ADAMTS16: variants seen among roughly 807,000 people sequenced by gnomAD.
ADAMTS16 encodes ADAM metallopeptidase with thrombospondin type 1 motif 16, also known as A disintegrin and metalloproteinase with thrombospondin motifs 16.
In ADAMTS16, 94 loss-of-function variants were observed where a neutral mutation model predicts 145.8. The ratio of observed to expected loss-of-function variants is 0.64; its 90% CI spans 0.55 to 0.77. The LOEUF is 0.77. ADAMTS16 is among the 30% of genes least tolerant of loss of function. The pLI, the probability that ADAMTS16 is intolerant of heterozygous loss-of-function variation, is 0.00. For missense variants in ADAMTS16, 1,585 were observed against 1,591.5 expected (o/e 1.00, Z 0.07); for synonymous variants, 659 against 604.3 (o/e 1.09, Z -1.33).
Position 5,187,819 on chromosome 5 carries a change from T to G in ADAMTS16, c.1047+11T>G. 1 of 1,516,040 alleles carries G rather than the reference T, an allele frequency of 6.6e-7. No individual in the cohort carries two copies. The highest frequency in any genetic ancestry group is 9.2e-7 in the Non-Finnish European group (1 of 1,092,066). The allele number at this position is 1,516,040 out of a possible 1,614,324, so 93.9% of individuals were successfully genotyped here. A position where few individuals can be genotyped will look rare whatever the true frequency, so the allele number is the denominator to read the frequency against. ...CTAGAAGATGAACAGGTAGTTTATC[T>G]TTGAAACTATCTACTCTTTTTATTC... On this transcript the variant is annotated intron_variant, in intron 6 of 22. Transcript: ENST00000274181.
chr5:5,176,699 A>T (rs1409769529), intron 3 of ADAMTS16, among the ~76,000 whole-genome samples: 2 of 152,204 alleles, frequency 1.3e-5, no homozygotes, highest in Non-Finnish European at 2.9e-5. Context: ...ATTTGGAATA[A>T]CCAAGGATAA....
Position 5,303,446 on chromosome 5 carries a change from T to C in ADAMTS16, c.2968T>C (p.Trp990Arg), listed in dbSNP as rs758203332. 8.1e-6 allele frequency: 13 copies of C among 1,611,302 alleles called. No homozygotes were observed. The South Asian group carries it at 1.3e-4, about 16-fold the overall frequency. The change falls in exon 19 of 23, where the codon TGG becomes CGG. Residue 990 changes from tryptophan (W) to arginine (R), a missense_variant. Trp to Arg is a moderately radical substitution (Grantham distance 101). Transcript: ENST00000274181. ...ACNSQSCPPA[W>R]SAGPWAECSH... ...CAACTCTCAGAGCTGCCCACCTGCA[T>C]GGAGCGCCGGGCCCTGGGCAGAGGT... is the stretch of plus-strand genomic sequence containing the variant.
chr5:5,317,312 C>T lies in ADAMTS16; in HGVS notation c.3412-822C>T, dbSNP rs1435971236. Among the ~76,000 whole-genome samples, 1 of 152,184 alleles carries T rather than the reference C, an allele frequency of 6.6e-6. No homozygotes were observed. Among genetic ancestry groups the T allele is most frequent in the Admixed American group, 6.5e-5 (1 of 15,280 alleles). On this transcript the variant is annotated intron_variant, in intron 21 of 22. Coordinates refer to ENST00000274181, the MANE Select transcript of ADAMTS16 (RefSeq NM_139056.4). The surrounding 1 kb of genome is among the most constrained non-coding windows in gnomAD (Gnocchi z 4.5). ...GGCAGGGGGATCTAAGTTTGTTCTT[C>T]CTTGCTGCCTGTAATTTGAGGAGAT...
At chr5:5,285,706 G>A (rs1468147220) in intron 18 of ADAMTS16, among the ~76,000 whole-genome samples, 1 of 152,170 alleles carries the variant, frequency 6.6e-6, no homozygotes, top group Non-Finnish European at 1.5e-5. Context: ...ACTGTAGATG[G>A]TTCAGAGACT....
intron 11 of ADAMTS16, among the ~76,000 whole-genome samples, chr5:5,226,360 C>T (rs994546664): frequency 1.3e-5 from 2 of 152,078 alleles, no homozygotes; most frequent in Non-Finnish European, 2.9e-5. Flanking sequence ...TAGGGGAACT[C>T]TCATGTATAA....
intron 18 of ADAMTS16, among the ~76,000 whole-genome samples, chr5:5,264,298 C>T (rs1738149558): frequency 6.6e-6 from 1 of 152,090 alleles, no homozygotes; most frequent in South Asian, 2.1e-4. Flanking sequence ...GATTTCTCTG[C>T]CTCCTGCCTC....
rs753926712 is a variant in ADAMTS16 at position 5,239,818 on chromosome 5, C to T, written c.2416C>T (p.Pro806Ser). Reference sequence around the variant, plus strand: ...GAATGGGCACTGGACCGTGGACTGGCCCGGCCGGTACAAATTTTCGGGCAC... The same window carrying T: ...GAATGGGCACTGGACCGTGGACTGGTCCGGCCGGTACAAATTTTCGGGCAC... ...YLNGHWTVDW[P>S]GRYKFSGTTF... is the part of the protein sequence containing the mutation. The change falls in exon 16 of 23, where the codon CCC (proline) becomes TCC (serine). Residue 806 changes from proline to serine, a missense_variant. This residue lies in a region of ADAMTS16 where 834 missense variants were observed against 811.7 expected (regional missense o/e 1.03). Coordinates refer to ENST00000274181, the MANE Select transcript of ADAMTS16 (RefSeq NM_139056.4). The T allele has an allele frequency of 9.3e-6, 15 of 1,614,082 alleles. No individual in the cohort carries two copies. The highest frequency in any genetic ancestry group is 1.7e-6 in the Non-Finnish European group (2 of 1,180,022).
chr5:5,244,838 G>A (rs531614916), intron 17 of ADAMTS16, among the ~76,000 whole-genome samples: 7 of 152,170 alleles, frequency 4.6e-5, no homozygotes, highest in African/African-American at 9.6e-5. Flanking sequence ...GACCTTACAC[G>A]TAGGCGGTGC....
intron 11 of ADAMTS16, among the ~76,000 whole-genome samples, chr5:5,229,255 G>A (rs1447176107): frequency 2.0e-4 from 27 of 134,584 alleles, no homozygotes; most frequent in East Asian, 4.3e-4. Context: ...CCGAGATTGC[G>A]CCACTGCAGT....
At chr5:5,273,749 C>A (rs1738574773) in intron 18 of ADAMTS16, among the ~76,000 whole-genome samples, 1 of 152,172 alleles carries the variant, frequency 6.6e-6, no homozygotes, top group Non-Finnish European at 1.5e-5. Context: ...CAGACATTGG[C>A]CTGCATACGT....
chr5:5,318,678 A>C (rs999047562), intron 22 of ADAMTS16, among the ~76,000 whole-genome samples: 5 of 152,168 alleles, frequency 3.3e-5, no homozygotes, highest in African/African-American at 4.8e-5. Context: ...GGCGCCTGTT[A>C]AGGCTATTCT....
At chr5:5,225,932 A>C (rs866681186) in intron 11 of ADAMTS16, among the ~76,000 whole-genome samples, 19 of 152,174 alleles carry the variant, frequency 1.2e-4, no homozygotes, top group South Asian at 2.1e-4. Context: ...TCATTAATTC[A>C]CATGGTCATG....
At chr5:5,259,156 G>A (rs1339243640) in intron 17 of ADAMTS16, among the ~76,000 whole-genome samples, 3 of 152,212 alleles carry the variant, frequency 2.0e-5, no homozygotes, top group Non-Finnish European at 4.4e-5. Context: ...TCCTTTCACA[G>A]TGACTTCCAC....
intron 10 of ADAMTS16, among the ~76,000 whole-genome samples, chr5:5,217,004 C>G (rs1167479936): frequency 6.6e-6 from 1 of 151,762 alleles, no homozygotes; most frequent in Non-Finnish European, 1.5e-5. Context: ...TCCAGTCTAT[C>G]ATTGTTGGAC....
Position 5,140,466 on chromosome 5 carries a change from G to A in ADAMTS16, c.-2G>A. ...GCCCCTAGCCCCTCGGAGCGCTCCT[G>A]GATGAAGCCCCGCGCGCGCGGATGG... is the stretch of plus-strand genomic sequence containing the variant. On this transcript the variant is annotated 5_prime_UTR_variant, in exon 1 of 23. Coordinates refer to ENST00000274181, the MANE Select transcript of ADAMTS16 (RefSeq NM_139056.4). 6.0e-6 allele frequency: 9 copies of A among 1,511,376 alleles called. No individual in the cohort carries two copies. Among genetic ancestry groups the A allele is most frequent in the Non-Finnish European group, 7.9e-6 (9 of 1,138,842 alleles). The allele number at this position is 1,511,376 out of a possible 1,614,324, so 93.6% of individuals were successfully genotyped here. A position where few individuals can be genotyped will look rare whatever the true frequency, so the allele number is the denominator to read the frequency against.
chr5:5,216,808 C>T (rs1736453146), intron 10 of ADAMTS16, among the ~76,000 whole-genome samples: 1 of 140,900 alleles, frequency 7.1e-6, no homozygotes, highest in African/African-American at 2.7e-5. Flanking sequence ...TTCCTGTGTC[C>T]ATGTGATCTC....
intron 10 of ADAMTS16, among the ~76,000 whole-genome samples, chr5:5,219,635 G>A (rs976126283): frequency 1.3e-5 from 2 of 152,186 alleles, no homozygotes; most frequent in Non-Finnish European, 2.9e-5. Flanking sequence ...AATACCGTGG[G>A]TTATATGATC....
intron 10 of ADAMTS16, among the ~76,000 whole-genome samples, chr5:5,219,159 C>T (rs916849272): frequency 6.6e-6 from 1 of 151,972 alleles, no homozygotes; most frequent in African/African-American, 2.4e-5. Context: ...CATATCAATA[C>T]AGGCGTACAA....
chr5:5,274,284 T>G (rs1379239720), intron 18 of ADAMTS16, among the ~76,000 whole-genome samples: 1 of 152,158 alleles, frequency 6.6e-6, no homozygotes, highest in African/African-American at 2.4e-5. Context: ...GACAAATGTA[T>G]TCTGACATCA....
Sources: gnomAD v4.1 joint callset for allele counts (sites outside exome capture counted in the v4.1 genomes callset) on GRCh38, gnomAD v4.1.1 for gene constraint, gnomAD v4.1.1 regional missense constraint, Gnocchi (gnomAD v3.1) non-coding constraint, MANE v1.5 for transcripts, NCBI Gene and HGNC (gene_info 2026-07-23, HGNC 2026-07-21) for gene names.